Variants in FGF13 observed in about 807,000 individuals in gnomAD.
FGF13 encodes fibroblast growth factor 13.
A neutral mutation model predicts 19.5 loss-of-function variants in FGF13; 2 were observed. That is an observed-to-expected ratio of 0.10 (90% CI 0.04 to 0.32). The LOEUF is 0.32. Ranked by LOEUF, FGF13 falls within the 10% of genes least tolerant of loss-of-function variation. FGF13 has a pLI of 1.00. For missense variants in FGF13, 113 were observed against 192.7 expected (o/e 0.59, Z 2.45); for synonymous variants, 72 against 76.9 (o/e 0.94, Z 0.33).
intron 2 of FGF13, among the ~76,000 whole-genome samples, chrX:138,864,076 C>G (rs1015109861): frequency 8.9e-6 from 1 of 111,960 alleles, no homozygotes; most frequent in Admixed American, 9.5e-5. Context: ...AAAAATGCCT[C>G]CGGACATTGT....
At chrX:138,911,409 C>T (rs1224428780) in intron 1 of FGF13, among the ~76,000 whole-genome samples, 3 of 108,445 alleles carry the variant, frequency 2.8e-5, no homozygotes, top group East Asian at 2.9e-4. Flanking sequence ...GGGAGCTAAA[C>T]GATGAGGACA....
chrX:138,913,715 T>G (rs1365646388), intron 1 of FGF13, among the ~76,000 whole-genome samples: 1 of 104,497 alleles, frequency 9.6e-6, no homozygotes, highest in African/African-American at 3.6e-5. Flanking sequence ...GAAAGAAAAC[T>G]ATCAGGGCGA....
chrX:138,659,087 A>G, intron 3 of FGF13, among the ~76,000 whole-genome samples: 1 of 111,931 alleles, frequency 8.9e-6, no homozygotes, highest in East Asian at 2.8e-4. Context: ...GGACACGAGT[A>G]ATGACTTGAA....
intron 1 of FGF13, among the ~76,000 whole-genome samples, chrX:138,933,045 G>A (rs1006206058): frequency 9.0e-6 from 1 of 111,245 alleles, no homozygotes; most frequent in African/African-American, 3.3e-5. Flanking sequence ...AGAGGTCACC[G>A]GCTTTCTTTA....
intron 1 of FGF13, among the ~76,000 whole-genome samples, chrX:138,989,711 C>T (rs189355461): frequency 2.9e-4 from 31 of 106,087 alleles, no homozygotes; most frequent in African/African-American, 9.4e-4. Flanking sequence ...TTATATAACA[C>T]GATAATGACA....
chrX:138,945,435 A>G (rs1297023981), intron 1 of FGF13, among the ~76,000 whole-genome samples: 1 of 110,974 alleles, frequency 9.0e-6, no homozygotes, highest in African/African-American at 3.3e-5. Context: ...TCAAATGTCT[A>G]CTCGACAGAT....
chrX:138,674,417 T>C (rs2089644356), intron 3 of FGF13, among the ~76,000 whole-genome samples: 1 of 111,399 alleles, frequency 9.0e-6, no homozygotes, highest in Non-Finnish European at 1.9e-5. Context: ...AGCACAGATG[T>C]GGATTGAACA....
intron 1 of FGF13, among the ~76,000 whole-genome samples, chrX:139,152,786 C>G (rs1053150849): frequency 6.3e-5 from 7 of 111,057 alleles, no homozygotes; most frequent in African/African-American, 2.3e-4. Context: ...TTCTCTCTCT[C>G]TCACCGCCAA....
At chrX:138,872,901 G>C (rs887568314) in intron 1 of FGF13, among the ~76,000 whole-genome samples, 1 of 111,444 alleles carries the variant, frequency 9.0e-6, no homozygotes, top group African/African-American at 3.3e-5. Context: ...GACAAGTGAG[G>C]GGTGGAAGAG....
upstream of FGF13, chrX:138,711,747 C>CCCCT: frequency 1.4e-6 from 1 of 707,594 alleles, no homozygotes; most frequent in Non-Finnish European, 1.7e-6. Flanking sequence ...CCCGCGACGG[C>CCCCT]CCCTCCCTCC....
upstream of FGF13, chrX:138,739,438 T>A (rs2090304438): frequency 2.6e-6 from 1 of 385,434 alleles, no homozygotes; most frequent in African/African-American, 2.6e-5. Flanking sequence ...TAATGGGCAT[T>A]AGTGACAGAC....
At chrX:139,027,957 A>T (rs1206902952) in intron 1 of FGF13, among the ~76,000 whole-genome samples, 1 of 111,691 alleles carries the variant, frequency 9.0e-6, no homozygotes, top group Non-Finnish European at 1.9e-5. Context: ...TCATTTCTAC[A>T]TGCTTTCAAA....
chrX:139,163,954 TC>T (rs778792162), intron 1 of FGF13, among the ~76,000 whole-genome samples: 1 of 111,129 alleles, frequency 9.0e-6, no homozygotes, highest in East Asian at 2.8e-4. Flanking sequence ...TCTAGAATAT[TC>T]CCCCCAAATA....
rs1376511571 is a variant in FGF13 at position 138,703,017 on chromosome X, C to A, written c.369G>T (p.Leu123Phe). 2.5e-6 allele frequency: 3 copies of A among 1,207,959 alleles called. No homozygotes were observed. The highest frequency in any genetic ancestry group is 3.4e-6 in the Non-Finnish European group (3 of 893,157). The change falls in exon 3 of 5, where the codon TTG becomes TTT. Residue 123 changes from leucine to phenylalanine, a missense_variant. Physicochemically the swap from Leu to Phe is conservative, Grantham distance 22. Coordinates refer to ENST00000315930, the MANE Select transcript of FGF13 (RefSeq NM_004114.5). Reference sequence around the variant, plus strand: ...ACAAGTATCCCTCACTGTTCATTGCCAAGTACAGCTTGGTTTGAACTCCTT... The same window carrying A: ...ACAAGTATCCCTCACTGTTCATTGCAAAGTACAGCTTGGTTTGAACTCCTT... Reference protein sequence around the residue: ...AIQGVQTKLYLAMNSEGYLYT... With the variant: ...AIQGVQTKLYFAMNSEGYLYT...
rs1257174776 is a variant in FGF13 at position 138,621,626 on chromosome X, A to G, written c.*11224T>C. On this transcript the variant is annotated 3_prime_UTR_variant, in exon 5 of 5. Transcript: ENST00000315930. ...TCAGAACAGAAAAAAGTGAAATAGA[A>G]ACTAGAAAAATAAAAAAGAGCAATA... 1.8e-5 allele frequency: 2 copies of G among 111,633 alleles called. No individual in the cohort carries two copies. The highest frequency in any genetic ancestry group is 6.5e-5 in the African/African-American group (2 of 30,763). 9.2% of individuals were successfully genotyped at this position (111,633 alleles called of 1,213,427 possible).
chrX:139,175,126 G>A (rs1468069619), intron 1 of FGF13, among the ~76,000 whole-genome samples: 1 of 111,367 alleles, frequency 9.0e-6, no homozygotes, highest in East Asian at 2.8e-4. Context: ...CTTGTAAGTT[G>A]GATTCCTAGG....
At chrX:139,065,781 A>G (rs2092354246) in intron 1 of FGF13, among the ~76,000 whole-genome samples, 1 of 111,268 alleles carries the variant, frequency 9.0e-6, no homozygotes, top group Non-Finnish European at 1.9e-5. Flanking sequence ...AAAATTAACA[A>G]GGATATCCAG....
At chrX:139,070,382 C>A (rs1485379051) in intron 1 of FGF13, among the ~76,000 whole-genome samples, 2 of 112,454 alleles carry the variant, frequency 1.8e-5, no homozygotes, top group African/African-American at 6.5e-5. Flanking sequence ...AAAAAAAGCT[C>A]ATCATCACTG....
chrX:138,907,316 C>T (rs1443442208), intron 1 of FGF13, among the ~76,000 whole-genome samples: 1 of 111,700 alleles, frequency 9.0e-6, no homozygotes, highest in African/African-American at 3.3e-5. Context: ...TCTCAATTGC[C>T]CTTAGTCACA....
Sources: gnomAD v4.1 joint callset for allele counts (sites outside exome capture counted in the v4.1 genomes callset) on GRCh38, gnomAD v4.1.1 for gene constraint, MANE v1.5 for transcripts, NCBI Gene and HGNC (gene_info 2026-07-23, HGNC 2026-07-21) for gene names.